Variants in HLA-E observed in about 807,000 individuals in gnomAD.
HLA-E encodes the protein major histocompatibility complex, class I, E.
HLA-E carries 25 observed loss-of-function variants against 43.4 expected under a neutral mutation model. That is an observed-to-expected ratio of 0.58 (90% CI 0.42 to 0.80). HLA-E has a LOEUF of 0.80. HLA-E is among the 30% of genes least tolerant of loss of function. HLA-E has a pLI of 0.00. For synonymous variants in HLA-E, 161 were observed against 197.6 expected, an observed-to-expected ratio of 0.81 and a Z score of 1.55; for missense variants, 343 against 470.0, an observed-to-expected ratio of 0.73 and a Z score of 2.50.
In HLA-E at chr6:30,490,278, G is replaced by A. The variant is rs759552072; in HGVS notation, c.373G>A (p.Gly125Arg). 5.0e-6 allele frequency: 8 copies of A among 1,613,016 alleles called. No homozygotes were observed. The highest frequency in any genetic ancestry group is 1.1e-5 in the South Asian group (1 of 91,084). ...TLQWMHGCEL[G>R]PDGRFLRGYE... The stretch of plus-strand genomic sequence containing the variant: ...GCAGTGGATGCATGGCTGCGAGCTG[G>A]GGCCCGACGGGCGCTTCCTCCGCGG... The change falls in exon 3 of 8, where the codon GGG (glycine) becomes AGG (arginine). Residue 125 changes from glycine (G) to arginine (R), a missense_variant. This residue lies in a region of HLA-E where 59 missense variants were observed against 42.0 expected (regional missense o/e 1.40). Coordinates refer to ENST00000376630, the MANE Select transcript of HLA-E (RefSeq NM_005516.6). This position sits in a 1 kb window ranked among gnomAD's most constrained non-coding sequence, Gnocchi z 6.6.
Sources: allele counts gnomAD v4.1 joint callset, GRCh38; gene constraint gnomAD v4.1.1; regional missense constraint gnomAD v4.1.1; non-coding constraint Gnocchi (gnomAD v3.1); transcripts MANE v1.5; gene names NCBI Gene and HGNC (gene_info 2026-07-23, HGNC 2026-07-21).